Variants in CEP164 observed in about 807,000 individuals in gnomAD.
CEP164 encodes centrosomal protein of 164 kDa.
Under a neutral mutation model 182.7 loss-of-function variants are expected in CEP164, and 162 were observed. That is an observed-to-expected ratio of 0.89 (90% CI 0.78 to 1.01). CEP164 has a LOEUF of 1.01. Among genes scored for constraint, CEP164 ranks in the 50% least tolerant of loss-of-function variants. The pLI, the probability that CEP164 is intolerant of heterozygous loss-of-function variation, is 0.00. For synonymous variants in CEP164, 661 were observed against 690.0 expected (o/e 0.96, Z 0.66); for missense variants, 1,735 against 1,790.4 (o/e 0.97, Z 0.56).
At chr11:117,354,896 T>G in intron 5 of CEP164, 1 of 1,228,110 alleles carries the variant, frequency 8.1e-7, no homozygotes, top group South Asian at 1.4e-5. Context: ...AAGTGCTTTG[T>G]CTTCGTTTTC....
At chr11:117,334,003 C>T (rs1339878907) in intron 1 of CEP164, among the ~76,000 whole-genome samples, 1 of 152,140 alleles carries the variant, frequency 6.6e-6, no homozygotes, top group Non-Finnish European at 1.5e-5. Context: ...TAGTGAATAC[C>T]TACTCATCAT....
intron 2 of CEP164, among the ~76,000 whole-genome samples, chr11:117,337,453 T>G (rs1052919555): frequency 1.3e-5 from 2 of 148,484 alleles, no homozygotes; most frequent in African/African-American, 5.0e-5. Flanking sequence ...GCGGGAGCAT[T>G]GCTTGCACCC....
At chr11:117,389,935 T>C (rs2044405776) in intron 15 of CEP164, among the ~76,000 whole-genome samples, 1 of 144,638 alleles carries the variant, frequency 6.9e-6, no homozygotes, top group African/African-American at 2.6e-5. Flanking sequence ...AGCCAGTAGT[T>C]TGCTTTTTTT....
chr11:117,332,674 C>T (rs867046170), intron 1 of CEP164, among the ~76,000 whole-genome samples: 1 of 152,310 alleles, frequency 6.6e-6, no homozygotes. Flanking sequence ...TCTGGGTTGA[C>T]AGGAGAGGAT....
At chr11:117,328,079 C>G (rs958833720) in intron 1 of CEP164, 175 bp downstream of exon 1, 2 of 152,298 alleles carry the variant, frequency 1.3e-5, no homozygotes, top group Non-Finnish European at 2.9e-5. Flanking sequence ...AGCCAACGAG[C>G]GTGATGCGCT....
At chr11:117,323,885 A>G (rs1244952020), upstream of CEP164, 2 of 403,604 alleles carry the variant, frequency 5.0e-6, no homozygotes, top group African/African-American at 2.1e-5. Flanking sequence ...GGCCATTTGT[A>G]TATCTTCTTT....
chr11:117,366,157 G>A (rs1395000272), intron 8 of CEP164, among the ~76,000 whole-genome samples: 1 of 151,886 alleles, frequency 6.6e-6, no homozygotes, highest in African/African-American at 2.4e-5. Context: ...TAGTGGTGGG[G>A]GTAAATGGGG....
intron 8 of CEP164, among the ~76,000 whole-genome samples, chr11:117,368,719 C>G (rs1447371221): frequency 6.6e-6 from 1 of 152,218 alleles, no homozygotes; most frequent in African/African-American, 2.4e-5. Flanking sequence ...ATATGAGCTT[C>G]TGCTGAGAAT....
chr11:117,373,895 TA>T, intron 10 of CEP164, 64 bp downstream of exon 10: 1 of 1,425,048 alleles, frequency 7.0e-7, no homozygotes, highest in South Asian at 1.2e-5. Context: ...CCTCCAGGGT[TA>T]AGTAATTTGC....
chr11:117,344,481 G>C (rs2135257527), intron 4 of CEP164, among the ~76,000 whole-genome samples: 1 of 152,292 alleles, frequency 6.6e-6, no homozygotes, highest in South Asian at 2.1e-4. Context: ...CTAGGATGGG[G>C]TTCAATGCTT....
chr11:117,396,272 G>C, intron 25 of CEP164, 92 bp downstream of exon 25: 1 of 1,420,502 alleles, frequency 7.0e-7, no homozygotes, highest in Non-Finnish European at 9.8e-7. Flanking sequence ...TTCCAGAGGG[G>C]ACAGCTCATC....
At chr11:117,397,346 G>T (rs770444433) in intron 27 of CEP164, 33 bp downstream of exon 27, 54 of 1,588,512 alleles carry the variant, frequency 3.4e-5, no homozygotes, top group Non-Finnish European at 4.1e-5. Flanking sequence ...TGCCAGCCCT[G>T]TGTGGGGGAG....
intron 27 of CEP164, among the ~76,000 whole-genome samples, chr11:117,401,194 G>A (rs1290103096): frequency 6.6e-6 from 1 of 152,178 alleles, no homozygotes; most frequent in Non-Finnish European, 1.5e-5. Flanking sequence ...TTTTTAGCAT[G>A]AAGGGGTGTC....
At chr11:117,402,614 G>A (rs999467707) in intron 27 of CEP164, among the ~76,000 whole-genome samples, 1 of 152,190 alleles carries the variant, frequency 6.6e-6, no homozygotes, top group East Asian at 1.9e-4. Context: ...TTACTGAAGA[G>A]TGTTTTACTT....
intron 25 of CEP164, 76 bp downstream of exon 25, chr11:117,396,256 G>A: frequency 2.0e-6 from 3 of 1,516,472 alleles, no homozygotes; most frequent in South Asian, 2.4e-5. Context: ...GGCATCAGGG[G>A]AGTACTTCCA....
intron 11 of CEP164, among the ~76,000 whole-genome samples, chr11:117,376,262 C>T (rs1423716801): frequency 4.0e-5 from 6 of 151,778 alleles, no homozygotes; most frequent in African/African-American, 1.5e-4. Context: ...TGGAGGTTCA[C>T]CTCTGACACC....
rs561169811 is a variant in CEP164, at chr11:117,358,063, C to T, written c.394-3772C>T. Among the ~76,000 whole-genome samples the T allele has an allele frequency of 2.0e-5, 3 of 152,296 alleles. No homozygotes were observed. In the East Asian group the frequency reaches 5.8e-4, roughly 29 times the overall value. ...CAGCTGTGGCTTTATCCAGTTGTTC[C>T]CTCTGCTTCCTAATTGCTGGCTTGC... On this transcript the variant is annotated intron_variant, in intron 5 of 32. Coordinates refer to ENST00000278935, the MANE Select transcript of CEP164 (RefSeq NM_014956.5).
chr11:117,383,219 A>G (rs945217636), intron 14 of CEP164, among the ~76,000 whole-genome samples: 3 of 152,178 alleles, frequency 2.0e-5, no homozygotes, highest in African/African-American at 7.2e-5. Flanking sequence ...CTCATTTGCT[A>G]AACTTGCTAA....
chr11:117,330,829 C>A (rs1156758500), intron 1 of CEP164, among the ~76,000 whole-genome samples: 1 of 152,160 alleles, frequency 6.6e-6, no homozygotes, highest in Non-Finnish European at 1.5e-5. Flanking sequence ...AAGCACTTTA[C>A]ATGTATTGAA....
Sources: gnomAD v4.1 joint callset for allele counts (sites outside exome capture counted in the v4.1 genomes callset) on GRCh38, gnomAD v4.1.1 for gene constraint, MANE v1.5 for transcripts, NCBI Gene and HGNC (gene_info 2026-07-23, HGNC 2026-07-21) for gene names.